HS2ST1: variants seen among roughly 807,000 people sequenced by gnomAD.
HS2ST1 encodes 2-O-sulfotransferase.
A neutral mutation model predicts 42.9 loss-of-function variants in HS2ST1; 18 were observed. That is an observed-to-expected ratio of 0.42 (90% CI 0.29 to 0.62). HS2ST1 has a LOEUF of 0.62. Among genes scored for constraint, HS2ST1 ranks in the 20% least tolerant of loss-of-function variants. The pLI is 0.21. For missense variants in HS2ST1, 334 were observed against 433.8 expected (o/e 0.77, Z 2.04); for synonymous variants, 146 against 152.9 (o/e 0.95, Z 0.33).
intron 1 of HS2ST1, among the ~76,000 whole-genome samples, chr1:86,954,614 A>G (rs1423444618): frequency 6.6e-6 from 1 of 152,182 alleles, no homozygotes; most frequent in Admixed American, 6.5e-5. Flanking sequence ...TTCCTCTGGG[A>G]AATTGTTGAT....
intron 1 of HS2ST1, among the ~76,000 whole-genome samples, chr1:86,957,737 G>A (rs573037780): frequency 6.6e-6 from 1 of 151,288 alleles, no homozygotes; most frequent in South Asian, 2.1e-4. Flanking sequence ...TAGTACACAG[G>A]TATAATTTTT....
chr1:87,078,569 A>T lies in HS2ST1; in HGVS notation c.363+5397A>T, dbSNP rs1364072222. ...AATTTTCTATGACTAAAGTCACTGT[A>T]GTGGCCTTATTTCTTCTCCCCAAGC... On this transcript the variant is annotated intron_variant, in intron 2 of 6. Coordinates refer to ENST00000370550, the MANE Select transcript of HS2ST1 (RefSeq NM_012262.4). 9.9e-5 allele frequency among the ~76,000 whole-genome samples: 15 copies of T among 152,190 alleles called. 2 individuals carry two copies. Among genetic ancestry groups the T allele is most frequent in the Admixed American group, 9.8e-4 (15 of 15,278 alleles).
chr1:87,030,013 AGCAAAACAC>A (rs1650188782), intron 1 of HS2ST1, among the ~76,000 whole-genome samples: 1 of 152,188 alleles, frequency 6.6e-6, no homozygotes, highest in South Asian at 2.1e-4. Context: ...ATGCAGAAGA[AGCAAAACAC>A]GCTAGCACTT....
chr1:87,017,398 A>C (rs1570488296), intron 1 of HS2ST1, among the ~76,000 whole-genome samples: 2 of 152,132 alleles, frequency 1.3e-5, no homozygotes, highest in South Asian at 2.1e-4. Context: ...CGGCCTCCCA[A>C]AGTGCTGGGA....
chr1:86,926,849 G>A (rs915231495), intron 1 of HS2ST1, among the ~76,000 whole-genome samples: 1 of 152,178 alleles, frequency 6.6e-6, no homozygotes, highest in Non-Finnish European at 1.5e-5. Context: ...TGAAAGTTAG[G>A]CGAGACTTAT....
At chr1:86,993,691 AAG>A (rs1649021640) in intron 1 of HS2ST1, among the ~76,000 whole-genome samples, 1 of 152,196 alleles carries the variant, frequency 6.6e-6, no homozygotes, top group Admixed American at 6.5e-5. Context: ...ACAAAAGAAA[AAG>A]AAGTTTATTA....
At chr1:87,027,638 A>G (rs1347859248) in intron 1 of HS2ST1, among the ~76,000 whole-genome samples, 1 of 152,204 alleles carries the variant, frequency 6.6e-6, no homozygotes, top group Non-Finnish European at 1.5e-5. Context: ...CAGATTCTCA[A>G]CTGAGAAGGG....
intron 1 of HS2ST1, 48 bp downstream of exon 1, chr1:86,915,208 G>A: frequency 6.4e-7 from 1 of 1,563,346 alleles, no homozygotes; most frequent in Non-Finnish European, 8.7e-7. Context: ...AGGGGCCGAG[G>A]AGGCGCTGCC....
At chr1:86,995,469 T>C (rs563417415) in intron 1 of HS2ST1, among the ~76,000 whole-genome samples, 25 of 152,262 alleles carry the variant, frequency 1.6e-4, no homozygotes, top group Non-Finnish European at 3.1e-4. Flanking sequence ...CTGGGCAACA[T>C]AGAGGTGACA....
chr1:87,011,167 C>A (rs554852259), intron 1 of HS2ST1, among the ~76,000 whole-genome samples: 27 of 152,146 alleles, frequency 1.8e-4, no homozygotes, highest in Admixed American at 7.2e-4. Context: ...TCTGAATTTC[C>A]TTCCTGTCAA....
intron 1 of HS2ST1, among the ~76,000 whole-genome samples, chr1:87,041,905 G>A (rs1466790365): frequency 6.6e-6 from 1 of 151,986 alleles, no homozygotes; most frequent in Non-Finnish European, 1.5e-5. Flanking sequence ...TGTACATATG[G>A]GAGTGCCACT....
At chr1:87,000,060 C>T (rs1340540681) in intron 1 of HS2ST1, among the ~76,000 whole-genome samples, 1 of 151,132 alleles carries the variant, frequency 6.6e-6, no homozygotes, top group Non-Finnish European at 1.5e-5. Context: ...TTTCAGTTAA[C>T]AGGGTTGGTT....
At chr1:86,966,316 T>C (rs944166004) in intron 1 of HS2ST1, among the ~76,000 whole-genome samples, 1 of 152,198 alleles carries the variant, frequency 6.6e-6, no homozygotes, top group Non-Finnish European at 1.5e-5. Flanking sequence ...CTCTTTCCTC[T>C]CTTCTGTGTT....
intron 1 of HS2ST1, among the ~76,000 whole-genome samples, chr1:86,981,669 C>G (rs1258115443): frequency 2.0e-5 from 3 of 152,262 alleles, no homozygotes; most frequent in Non-Finnish European, 4.4e-5. Flanking sequence ...CACACTGATG[C>G]AAGGGATAGG....
chr1:87,013,491 A>AT (rs1327324947), intron 1 of HS2ST1, among the ~76,000 whole-genome samples: 1 of 152,016 alleles, frequency 6.6e-6, no homozygotes, highest in Non-Finnish European at 1.5e-5. Context: ...CCAGGAAACC[A>AT]TTTTTTCCTC....
At position 86,924,509 on chromosome 1, in the gene HS2ST1, A is replaced by T. The variant is rs368633707; in HGVS notation, c.124+9349A>T. Among the ~76,000 whole-genome samples, 5 of 152,220 alleles carry T rather than the reference A, an allele frequency of 3.3e-5. No individual in the cohort carries two copies. The South Asian group carries it at 8.3e-4, about 25-fold the overall frequency. On this transcript the variant is annotated intron_variant, in intron 1 of 6. Coordinates refer to ENST00000370550, the MANE Select transcript of HS2ST1 (RefSeq NM_012262.4). ...TCCATGAGGGCCCCGCCCCACAGCAAACTTCTGCTTGGGTATCCAGGTGTT... is the reference window on the plus strand; with the variant it reads ...TCCATGAGGGCCCCGCCCCACAGCATACTTCTGCTTGGGTATCCAGGTGTT...
intron 1 of HS2ST1, among the ~76,000 whole-genome samples, chr1:86,950,534 A>G (rs1231600322): frequency 6.6e-6 from 1 of 152,182 alleles, no homozygotes; most frequent in Non-Finnish European, 1.5e-5. Flanking sequence ...ATGGATTTGA[A>G]TGGTGTAATA....
intron 5 of HS2ST1, among the ~76,000 whole-genome samples, chr1:87,102,699 C>T (rs1221094445): frequency 6.6e-6 from 1 of 152,156 alleles, no homozygotes. Context: ...TTCATAGATT[C>T]ACAGAACTGG....
At chr1:86,968,325 A>G (rs1648121691) in intron 1 of HS2ST1, among the ~76,000 whole-genome samples, 1 of 152,162 alleles carries the variant, frequency 6.6e-6, no homozygotes, top group Non-Finnish European at 1.5e-5. Flanking sequence ...TAGGCTTTGC[A>G]TGATATCCAA....
Sources: allele counts gnomAD v4.1 joint callset (sites outside exome capture counted in the v4.1 genomes callset), GRCh38; gene constraint gnomAD v4.1.1; transcripts MANE v1.5; gene names NCBI Gene and HGNC (gene_info 2026-07-23, HGNC 2026-07-21).